The following ROBO2 variants were observed in gnomAD, a reference collection of about 807,000 sequenced individuals.
The protein encoded by ROBO2 is roundabout guidance receptor 2.
Under a neutral mutation model 160.8 loss-of-function variants are expected in ROBO2, and 53 were observed. The ratio of observed to expected loss-of-function variants is 0.33; its 90% CI spans 0.26 to 0.41. The LOEUF (loss-of-function observed/expected upper bound fraction) is 0.41, where lower values mean the gene tolerates loss of function less well. Ranked by LOEUF, ROBO2 falls within the 10% of genes least tolerant of loss-of-function variation. The pLI, the probability that ROBO2 is intolerant of heterozygous loss-of-function variation, is 1.00. For missense variants in ROBO2, 1,577 were observed against 1,722.4 expected, an observed-to-expected ratio of 0.92 and a Z score of 1.49; for synonymous variants, 664 against 611.7, an observed-to-expected ratio of 1.09 and a Z score of -1.26.
At chr3:76,920,534 A>G (rs1401559728) in intron 2 of ROBO2, among the ~76,000 whole-genome samples, 5 of 152,210 alleles carry the variant, frequency 3.3e-5, no homozygotes, top group African/African-American at 9.6e-5. Context: ...TCCTAAGTTC[A>G]TGACATACAT....
intron 2 of ROBO2, among the ~76,000 whole-genome samples, chr3:77,387,338 C>CAA (rs59885508): frequency 5.5e-4 from 67 of 121,926 alleles, no homozygotes; most frequent in African/African-American, 1.9e-3. Context: ...CCCCGTCTCT[C>CAA]AAAAAAAAAA....
intron 2 of ROBO2, among the ~76,000 whole-genome samples, chr3:76,344,134 A>G (rs148653595): frequency 0.014 from 2,166 of 152,248 alleles, 46 homozygotes; most frequent in African/African-American, 0.049. Context: ...TTAATCTTTT[A>G]TAATAATCAT....
intron 2 of ROBO2, among the ~76,000 whole-genome samples, chr3:76,455,965 G>T (rs1459260691): frequency 6.6e-6 from 1 of 152,048 alleles, no homozygotes; most frequent in Non-Finnish European, 1.5e-5. Flanking sequence ...AATTTTTTCA[G>T]CTTGACTCTA....
At chr3:76,038,796 ATGTGTG>A (rs111997787) in intron 2 of ROBO2, among the ~76,000 whole-genome samples, 3 of 149,682 alleles carry the variant, frequency 2.0e-5, no homozygotes, top group Non-Finnish European at 3.0e-5. Flanking sequence ...GTGTGTATGT[ATGTGTG>A]TGTGTGTGTG....
chr3:76,864,668 T>A (rs2071166612), intron 2 of ROBO2, among the ~76,000 whole-genome samples: 1 of 152,102 alleles, frequency 6.6e-6, no homozygotes, highest in Admixed American at 6.6e-5. Context: ...AAAAAGCAGT[T>A]TAGCTATCCC....
chr3:76,650,205 T>C (rs1225900853), intron 2 of ROBO2, among the ~76,000 whole-genome samples: 3 of 152,018 alleles, frequency 2.0e-5, no homozygotes, highest in Non-Finnish European at 4.4e-5. Flanking sequence ...AATAAAAAAC[T>C]GAAACCAAAG....
At chr3:76,971,562 TAAATA>T (rs1304838412) in intron 2 of ROBO2, among the ~76,000 whole-genome samples, 3 of 151,288 alleles carry the variant, frequency 2.0e-5, no homozygotes, top group African/African-American at 2.4e-5. Context: ...AAAAAAAAAA[TAAATA>T]AAAAGGGTAC....
intron 2 of ROBO2, among the ~76,000 whole-genome samples, chr3:76,009,985 T>G (rs1304154804): frequency 6.6e-6 from 1 of 152,240 alleles, no homozygotes; most frequent in Admixed American, 6.5e-5. Flanking sequence ...TTCTTTTCTA[T>G]TTTCTTTATA....
chr3:77,382,419 T>C (rs2073621089), intron 2 of ROBO2, among the ~76,000 whole-genome samples: 2 of 152,094 alleles, frequency 1.3e-5, no homozygotes, highest in Non-Finnish European at 2.9e-5. Flanking sequence ...CTTCTTCTTT[T>C]TTGTAATTTC....
At chr3:76,144,853 C>A (rs952158057) in intron 2 of ROBO2, among the ~76,000 whole-genome samples, 9 of 151,908 alleles carry the variant, frequency 5.9e-5, no homozygotes. Context: ...AAGAAACTCT[C>A]ATTGCCCACC....
chr3:77,310,438 G>A lies in ROBO2; in HGVS notation c.389-166976G>A, dbSNP rs181954282. 7.2e-5 allele frequency among the ~76,000 whole-genome samples: 11 copies of A among 152,234 alleles called. No homozygotes were observed. In the East Asian group the frequency reaches 1.4e-3, roughly 19 times the overall value. On this transcript the variant is annotated intron_variant, in intron 2 of 25. Coordinates refer to ENST00000461745, the Ensembl canonical transcript of ROBO2. ...TGAGAACTCTAAAGCAGATAAGAAA[G>A]CAAGGCAATGGATCTAATTCTGTTT...
chr3:76,261,526 ACCAACACCCCATCT>A (rs1706763495), intron 2 of ROBO2, among the ~76,000 whole-genome samples: 1 of 152,034 alleles, frequency 6.6e-6, no homozygotes, highest in Non-Finnish European at 1.5e-5. Flanking sequence ...TTGTTGTATA[ACCAACACCCCATCT>A]CCAACATGCC....
chr3:76,132,942 C>G (rs550299445), intron 2 of ROBO2, among the ~76,000 whole-genome samples: 1 of 152,226 alleles, frequency 6.6e-6, no homozygotes, highest in East Asian at 1.9e-4. Flanking sequence ...CTGGCTGCGA[C>G]CCTTGGACTG....
chr3:77,037,848 A>G (rs2063730330), upstream of ROBO2, among the ~76,000 whole-genome samples: 3 of 152,312 alleles, frequency 2.0e-5, no homozygotes, highest in African/African-American at 4.8e-5. Context: ...TAAGGGTCTT[A>G]TAAGTCTATA....
chr3:76,490,193 G>T (rs540086758), intron 2 of ROBO2, among the ~76,000 whole-genome samples: 4 of 152,136 alleles, frequency 2.6e-5, no homozygotes, highest in African/African-American at 9.6e-5. Flanking sequence ...TATTTTCTCA[G>T]AGCTAAAGGA....
intron 2 of ROBO2, among the ~76,000 whole-genome samples, chr3:76,280,724 C>T (rs1708184559): frequency 6.6e-6 from 1 of 151,910 alleles, no homozygotes; most frequent in South Asian, 2.1e-4. Context: ...TTCAGAAGAT[C>T]TAAAAGATCT....
At chr3:76,307,008 A>G (rs2071364158) in intron 2 of ROBO2, among the ~76,000 whole-genome samples, 1 of 152,064 alleles carries the variant, frequency 6.6e-6, no homozygotes, top group Non-Finnish European at 1.5e-5. Flanking sequence ...ACCCCCTACC[A>G]TTGAAGATAA....
Position 77,477,590 on chromosome 3 carries a change from A to C in ROBO2, c.546+19A>C, listed in dbSNP as rs1390809910. The C allele has an allele frequency of 2.5e-6, 4 of 1,611,198 alleles. No individual in the cohort carries two copies. The highest frequency in any genetic ancestry group is 3.4e-6 in the Non-Finnish European group (4 of 1,177,488). ...AATAAGTGTGAGTTAAATTAAAATC[A>C]TGGCCCAGAGAGATTGAATTTTCAG... On this transcript the variant is annotated intron_variant, in intron 3 of 25. Transcript: ENST00000461745.
At chr3:76,553,702 A>G (rs2083546995) in intron 2 of ROBO2, among the ~76,000 whole-genome samples, 1 of 152,170 alleles carries the variant, frequency 6.6e-6, no homozygotes, top group South Asian at 2.1e-4. Flanking sequence ...TCTTTCCTTA[A>G]GAGCTTTCTG....
Sources: gnomAD v4.1 joint callset for allele counts (sites outside exome capture counted in the v4.1 genomes callset) on GRCh38, gnomAD v4.1.1 for gene constraint, MANE v1.5 for transcripts, NCBI Gene and HGNC (gene_info 2026-07-23, HGNC 2026-07-21) for gene names.